The following NRSN2 variants were observed in gnomAD, a reference collection of about 807,000 sequenced individuals.
NRSN2 encodes the protein neurensin-2.
A neutral mutation model predicts 11.1 loss-of-function variants in NRSN2; 10 were observed. The observed-to-expected ratio is 0.90, with a 90% CI of 0.56 to 1.53. The LOEUF (loss-of-function observed/expected upper bound fraction) is 1.53, where lower values mean the gene tolerates loss of function less well. Ranked by LOEUF, NRSN2 falls within the 40% of genes most tolerant of loss-of-function variation. The pLI is 0.00. For synonymous variants in NRSN2, 100 were observed against 117.0 expected (o/e 0.86, Z 0.94); for missense variants, 260 against 273.7 (o/e 0.95, Z 0.35).
chr20:353,309 G>A lies in NRSN2; in HGVS notation c.289G>A (p.Glu97Lys), dbSNP rs374317975. The A allele has an allele frequency of 6.2e-7, 1 of 1,614,116 alleles. No individual in the cohort carries two copies. Among genetic ancestry groups the A allele is most frequent in the Admixed American group, 1.7e-5 (1 of 60,012 alleles). The change falls in exon 5 of 5, where the codon GAG becomes AAG. Residue 97 changes from glutamate to lysine, a missense_variant. Coordinates refer to ENST00000382285, the MANE Select transcript of NRSN2 (RefSeq NM_001323682.2). ...CAAGCTGGAGGGCATCGGTGAGGGT[G>A]AGTTCCTGGTGTTGGATCAGCGGGC... ...PPKLEGIGEG[E>K]FLVLDQRAAD...
rs1021436654 is a variant in NRSN2, at chr20:347,863, CA to C, written c.-122+353del. Among the ~76,000 whole-genome samples, 25 of 152,188 alleles carry C rather than the reference CA, an allele frequency of 1.6e-4. 1 individual carries two copies. The highest frequency in any genetic ancestry group is 5.8e-4 in the African/African-American group (24 of 41,556). On this transcript the variant is annotated intron_variant, in intron 2 of 4. Transcript: ENST00000382285. This position sits in a 1 kb window ranked among gnomAD's most constrained non-coding sequence, Gnocchi z 7.0. ...GACGCCTCCCTAGCGGTTCCCATGG[CA>C]ACCCTCGTCCCGGGTGCCTGCGCCC...
chr20:349,872 G>C (rs1226138392), intron 4 of NRSN2, 40 bp downstream of exon 4: 11 of 1,571,784 alleles, frequency 7.0e-6, no homozygotes, highest in Non-Finnish European at 8.7e-6. Flanking sequence ...CCTCTGCCTT[G>C]ATGGAGGAAA....
intron 3 of NRSN2, 93 bp downstream of exon 3, chr20:349,456 G>T (rs1055021875): frequency 3.6e-6 from 2 of 549,004 alleles, no homozygotes; most frequent in Non-Finnish European, 6.5e-6. Context: ...TGGCTCATTC[G>T]CAGTGTGCTT....
chr20:350,814 C>T (rs112259186), intron 4 of NRSN2, among the ~76,000 whole-genome samples: 6 of 152,206 alleles, frequency 3.9e-5, no homozygotes, highest in African/African-American at 1.4e-4. Context: ...CTTCAGCCTC[C>T]TCATGGTGCC....
Position 353,936 on chromosome 20 carries a change from G to C in NRSN2, c.*301G>C, listed in dbSNP as rs2014200855. The stretch of plus-strand genomic sequence containing the variant: ...CACTCCTTCCTCTGCATGACCTTGG[G>C]CAAACCCTTGCCCTTTCAAGCCATC... On this transcript the variant is annotated 3_prime_UTR_variant, in exon 5 of 5. Transcript: ENST00000382285. 2.3e-6 allele frequency: 1 copy of C among 427,236 alleles called. No individual in the cohort carries two copies. Among genetic ancestry groups the C allele is most frequent in the Non-Finnish European group, 4.2e-6 (1 of 237,798 alleles). The allele number at this position is 427,236 out of a possible 1,614,324, so 26.5% of individuals were successfully genotyped here.
At position 349,825 on chromosome 20, in the gene NRSN2, G is replaced by GT; in HGVS notation, c.184dup (p.Trp62LeufsTer34). 6.2e-7 allele frequency: 1 copy of GT among 1,612,962 alleles called. No homozygotes were observed. The highest frequency in any genetic ancestry group is 8.5e-7 in the Non-Finnish European group (1 of 1,179,746). Reference sequence around the variant, plus strand: ...CCCCGCCGGCCCTGGCCCTCACTGTGTTGGAAGGTAAGGCCAGATGAGCAC... The same window carrying GT: ...CCCCGCCGGCCCTGGCCCTCACTGTGTTTGGAAGGTAAGGCCAGATGAGCAC... On this transcript the variant is annotated frameshift_variant, in exon 4 of 5. Coordinates refer to ENST00000382285, the MANE Select transcript of NRSN2 (RefSeq NM_001323682.2). LOFTEE classifies it high-confidence loss of function.
At position 354,558 on chromosome 20, in the gene NRSN2, G is replaced by C. The variant is rs1247906473; in HGVS notation, c.*923G>C. Reference sequence around the variant, plus strand: ...ACCTAGAAACCAAGCCCACGGTCTTGGCCGTGACCCTGATAATAAATGGGC... The same window carrying C: ...ACCTAGAAACCAAGCCCACGGTCTTCGCCGTGACCCTGATAATAAATGGGC... On this transcript the variant is annotated 3_prime_UTR_variant, in exon 5 of 5. Coordinates refer to ENST00000382285, the MANE Select transcript of NRSN2 (RefSeq NM_001323682.2). 6.6e-6 allele frequency: 1 copy of C among 152,234 alleles called. No individual in the cohort carries two copies. The highest frequency in any genetic ancestry group is 1.5e-5 in the Non-Finnish European group (1 of 68,096). The allele number at this position is 152,234 out of a possible 1,614,324, so 9.4% of individuals were successfully genotyped here.
chr20:349,898 G>A (rs2013792863), intron 4 of NRSN2, 66 bp downstream of exon 4: 2 of 1,484,892 alleles, frequency 1.3e-6, no homozygotes, highest in Non-Finnish European at 9.2e-7. Flanking sequence ...CTGAATTTGA[G>A]GCTCAGAGGA....
Position 349,326 on chromosome 20 carries a change from C to G in NRSN2, c.-44C>G, listed in dbSNP as rs41281230. On this transcript the variant is annotated 5_prime_UTR_variant, in exon 3 of 5. Transcript: ENST00000382285. ...CCAGGAAGCAGTGTGTCCACGACTC[C>G]AGTCCAAGTGGTCAGGCTCCAGAGC... 3.5e-3 allele frequency: 870 copies of G among 247,274 alleles called. 5 individuals carry two copies. The highest frequency in any genetic ancestry group is 4.9e-3 in the Non-Finnish European group (629 of 129,096). The allele number at this position is 247,274 out of a possible 1,614,324, so 15.3% of individuals were successfully genotyped here.
rs6115689 is a variant in NRSN2 at position 353,759 on chromosome 20, A to G, written c.*124A>G. The G allele has an allele frequency of 1.3e-5, 13 of 1,012,456 alleles. No individual in the cohort carries two copies. Among genetic ancestry groups the G allele is most frequent in the Admixed American group, 1.2e-4 (4 of 33,674 alleles). The allele number at this position is 1,012,456 out of a possible 1,614,324, so 62.7% of individuals were successfully genotyped here. Reference sequence around the variant, plus strand: ...CCCTTTAGAGCCCAACTCCAGGTCAAATCTGGAGCTCAAATCCCAGTGCTC... The same window carrying G: ...CCCTTTAGAGCCCAACTCCAGGTCAGATCTGGAGCTCAAATCCCAGTGCTC... On this transcript the variant is annotated 3_prime_UTR_variant, in exon 5 of 5. Coordinates refer to ENST00000382285, the MANE Select transcript of NRSN2 (RefSeq NM_001323682.2).
Position 349,340 on chromosome 20 carries a change from A to G in NRSN2, c.-30A>G. The G allele has an allele frequency of 3.9e-6, 1 of 258,358 alleles. No individual in the cohort carries two copies. The highest frequency in any genetic ancestry group is 7.4e-6 in the Non-Finnish European group (1 of 135,860). 16.0% of individuals were successfully genotyped at this position (258,358 alleles called of 1,614,324 possible). On this transcript the variant is annotated 5_prime_UTR_variant, in exon 3 of 5. Coordinates refer to ENST00000382285, the MANE Select transcript of NRSN2 (RefSeq NM_001323682.2). ...GTCCACGACTCCAGTCCAAGTGGTC[A>G]GGCTCCAGAGCCCACAGTCCCAGGT...
intron 3 of NRSN2, 111 bp downstream of exon 3, chr20:349,474 G>A: frequency 1.7e-6 from 1 of 576,068 alleles, no homozygotes; most frequent in Non-Finnish European, 3.1e-6. Flanking sequence ...CTTTGGGAAG[G>A]ACAGGCTGGG....
chr20:353,317 G>C lies in NRSN2; in HGVS notation c.297G>C (p.Leu99=). The C allele has an allele frequency of 6.2e-7, 1 of 1,614,072 alleles. No individual in the cohort carries two copies. Among genetic ancestry groups the C allele is most frequent in the South Asian group, 1.1e-5 (1 of 91,082 alleles). The part of the protein sequence containing the change: ...KLEGIGEGEF[L]VLDQRAADYN... The stretch of plus-strand genomic sequence containing the variant: ...AGGGCATCGGTGAGGGTGAGTTCCT[G>C]GTGTTGGATCAGCGGGCAGCCGACT... Residue 99 remains leucine, a synonymous_variant, in exon 5 of 5, where the codon CTG becomes CTC. Transcript: ENST00000382285.
chr20:353,898 T>C lies in NRSN2; in HGVS notation c.*263T>C. 1.9e-6 allele frequency: 1 copy of C among 517,666 alleles called. No homozygotes were observed. The highest frequency in any genetic ancestry group is 3.4e-6 in the Non-Finnish European group (1 of 293,500). The allele number at this position is 517,666 out of a possible 1,614,324, so 32.1% of individuals were successfully genotyped here. A position where few individuals can be genotyped will look rare whatever the true frequency, so the allele number is the denominator to read the frequency against. ...GCCCTCAGGGGCAGAAAACATCTCC[T>C]TCAACCCGTCCCCACTCCTTCCTCT... On this transcript the variant is annotated 3_prime_UTR_variant, in exon 5 of 5. Transcript: ENST00000382285.
At chr20:350,808 A>G (rs1338371014) in intron 4 of NRSN2, among the ~76,000 whole-genome samples, 1 of 152,142 alleles carries the variant, frequency 6.6e-6, no homozygotes, top group Non-Finnish European at 1.5e-5. Context: ...CTTAGTCTTC[A>G]GCCTCCTCAT....
intron 4 of NRSN2, among the ~76,000 whole-genome samples, chr20:352,703 C>G (rs2014064515): frequency 6.6e-6 from 1 of 152,214 alleles, no homozygotes; most frequent in African/African-American, 2.4e-5. Flanking sequence ...TCTCATGGAG[C>G]TCTCAGTACT....
At chr20:348,596 G>T (rs1046853513) in intron 2 of NRSN2, among the ~76,000 whole-genome samples, 2 of 150,412 alleles carry the variant, frequency 1.3e-5, no homozygotes, top group Non-Finnish European at 3.0e-5. Flanking sequence ...TGCTGTTTCG[G>T]TGAGTTTCTC....
chr20:353,723 T>G lies in NRSN2; in HGVS notation c.*88T>G. 7.3e-7 allele frequency: 1 copy of G among 1,373,546 alleles called. No homozygotes were observed. Among genetic ancestry groups the G allele is most frequent in the Non-Finnish European group, 1.0e-6 (1 of 1,003,208 alleles). The allele number at this position is 1,373,546 out of a possible 1,614,324, so 85.1% of individuals were successfully genotyped here. A position where few individuals can be genotyped will look rare whatever the true frequency, so the allele number is the denominator to read the frequency against. On this transcript the variant is annotated 3_prime_UTR_variant, in exon 5 of 5. Coordinates refer to ENST00000382285, the MANE Select transcript of NRSN2 (RefSeq NM_001323682.2). ...CTCAGTGTTTCCCCAACTTCTCCCT[T>G]TTAGCAGGGTCCCTTTAGAGCCCAA...
At position 347,768 on chromosome 20, in the gene NRSN2, C is replaced by A. The variant is rs1038927477; in HGVS notation, c.-122+256C>A. Among the ~76,000 whole-genome samples the A allele has an allele frequency of 6.6e-6, 1 of 152,112 alleles. No homozygotes were observed. Among genetic ancestry groups the A allele is most frequent in the Non-Finnish European group, 1.5e-5 (1 of 68,000 alleles). On this transcript the variant is annotated intron_variant, in intron 2 of 4. Coordinates refer to ENST00000382285, the MANE Select transcript of NRSN2 (RefSeq NM_001323682.2). The surrounding 1 kb of genome is among the most constrained non-coding windows in gnomAD (Gnocchi z 7.0). ...TCCTCCCTCCGCCGCAGTCTCCCCACGTCGGACAGCGCAGCCCCCTCCGCC... is the reference window on the plus strand; with the variant it reads ...TCCTCCCTCCGCCGCAGTCTCCCCAAGTCGGACAGCGCAGCCCCCTCCGCC...
Sources: allele counts gnomAD v4.1 joint callset (sites outside exome capture counted in the v4.1 genomes callset), GRCh38; gene constraint gnomAD v4.1.1; non-coding constraint Gnocchi (gnomAD v3.1); transcripts MANE v1.5; gene names NCBI Gene and HGNC (gene_info 2026-07-23, HGNC 2026-07-21).